Variants in KLHDC1 observed in about 807,000 individuals in gnomAD.
KLHDC1 encodes kelch domain-containing protein 1.
KLHDC1 carries 53 observed loss-of-function variants against 68.3 expected under a neutral mutation model. The observed-to-expected ratio is 0.78, with a 90% CI of 0.62 to 0.98. The LOEUF (loss-of-function observed/expected upper bound fraction) is 0.98, where lower values mean the gene tolerates loss of function less well. Ranked by LOEUF, KLHDC1 falls within the 50% of genes least tolerant of loss-of-function variation. The pLI, the probability that KLHDC1 is intolerant of heterozygous loss-of-function variation, is 0.00. For missense variants in KLHDC1, 470 were observed against 492.3 expected (o/e 0.95, Z 0.43); for synonymous variants, 148 against 159.0 (o/e 0.93, Z 0.52).
intron 1 of KLHDC1, among the ~76,000 whole-genome samples, chr14:49,699,161 CAAA>C (rs34856234): frequency 1.4e-4 from 15 of 107,756 alleles, no homozygotes; most frequent in Admixed American, 9.9e-5. Flanking sequence ...AAGACTGTCT[CAAA>C]AAAAAAAAAA....
chr14:49,703,700 A>G (rs1411540830), intron 1 of KLHDC1, among the ~76,000 whole-genome samples: 3 of 151,684 alleles, frequency 2.0e-5, no homozygotes, highest in Non-Finnish European at 4.4e-5. Context: ...GTGTGCTTGT[A>G]TGGCTGTACC....
intron 11 of KLHDC1, among the ~76,000 whole-genome samples, chr14:49,740,485 C>T (rs1889037200): frequency 6.6e-6 from 1 of 152,090 alleles, no homozygotes. Context: ...CTACAGGCAC[C>T]TGCCAACATA....
At chr14:49,711,266 A>G (rs998041102) in intron 4 of KLHDC1, among the ~76,000 whole-genome samples, 5 of 152,214 alleles carry the variant, frequency 3.3e-5, no homozygotes, top group East Asian at 1.9e-4. Flanking sequence ...CAGTGGCGCA[A>G]TCTCGGCTCA....
At chr14:49,723,622 C>G (rs1888592702) in intron 4 of KLHDC1, among the ~76,000 whole-genome samples, 1 of 152,146 alleles carries the variant, frequency 6.6e-6, no homozygotes, top group African/African-American at 2.4e-5. Context: ...CTTACAAGCC[C>G]TGTATGTGCT....
rs960213173 is a variant in KLHDC1 at position 49,705,852 on chromosome 14, T to C, written c.97-3307T>C. On this transcript the variant is annotated intron_variant, in intron 1 of 12. Transcript: ENST00000359332. ...TTCACTGATTGAAAAATTTTTTTAATTTTAATTTTTGTGGGTACATAGTAG... is the reference window on the plus strand; with the variant it reads ...TTCACTGATTGAAAAATTTTTTTAACTTTAATTTTTGTGGGTACATAGTAG... Among the ~76,000 whole-genome samples the C allele has an allele frequency of 3.3e-5, 5 of 152,170 alleles. No individual in the cohort carries two copies. The East Asian group carries it at 7.7e-4, about 23-fold the overall frequency.
At chr14:49,697,598 A>G (rs1443306633) in intron 1 of KLHDC1, among the ~76,000 whole-genome samples, 1 of 152,260 alleles carries the variant, frequency 6.6e-6, no homozygotes, top group African/African-American at 2.4e-5. Flanking sequence ...AAAATGCAAT[A>G]TCTGTCAAGC....
chr14:49,735,761 A>G (rs974869652), intron 10 of KLHDC1, among the ~76,000 whole-genome samples: 1 of 152,138 alleles, frequency 6.6e-6, no homozygotes, highest in Non-Finnish European at 1.5e-5. Context: ...TATTAATCCC[A>G]GCAATTTGGG....
intron 9 of KLHDC1, among the ~76,000 whole-genome samples, chr14:49,733,667 C>T (rs187667085): frequency 5.6e-4 from 85 of 152,134 alleles, no homozygotes; most frequent in Admixed American, 1.1e-3. Context: ...GTGATCCACC[C>T]GCCTCAGCCT....
intron 9 of KLHDC1, 145 bp downstream of exon 9, chr14:49,732,961 A>G: frequency 1.7e-6 from 1 of 585,454 alleles, no homozygotes; most frequent in Middle Eastern, 4.5e-4. Flanking sequence ...ATGAATTATG[A>G]TCTCCTTGCT....
intron 4 of KLHDC1, among the ~76,000 whole-genome samples, chr14:49,713,826 ATATATATATATATATATATATATATT>A (rs1418999442): frequency 4.4e-3 from 9 of 2,036 alleles, no homozygotes; most frequent in African/African-American, 7.1e-3. Flanking sequence ...ATATATATAT[ATATATATATATATATATATATATATT>A]TTTTTTTTTT....
intron 4 of KLHDC1, among the ~76,000 whole-genome samples, chr14:49,717,118 G>A (rs1888399398): frequency 2.0e-5 from 3 of 152,116 alleles, no homozygotes; most frequent in African/African-American, 7.2e-5. Context: ...TTATATGTTG[G>A]TAGATGCTTG....
intron 4 of KLHDC1, among the ~76,000 whole-genome samples, chr14:49,715,043 C>T (rs1318680456): frequency 6.8e-6 from 1 of 146,200 alleles, no homozygotes; most frequent in Non-Finnish European, 1.5e-5. Flanking sequence ...TACATATATA[C>T]TTAATATATA....
At chr14:49,721,996 G>T (rs1307047512) in intron 4 of KLHDC1, among the ~76,000 whole-genome samples, 1 of 152,186 alleles carries the variant, frequency 6.6e-6, no homozygotes, top group Non-Finnish European at 1.5e-5. Flanking sequence ...CCAAAGCTCA[G>T]ATTGCCTAAA....
chr14:49,726,079 C>T (rs552024265), intron 6 of KLHDC1, among the ~76,000 whole-genome samples: 2 of 152,266 alleles, frequency 1.3e-5, no homozygotes, highest in African/African-American at 4.8e-5. Context: ...AACTCCTGAC[C>T]TCAAGTTATC....
chr14:49,751,752 C>T lies in KLHDC1; in HGVS notation c.1201C>T (p.Gln401Ter). ...VQKEETENKY[Q>*]WISSN Reference sequence around the variant, plus strand: ...AAAAGAAGAAACAGAAAATAAATATCAGTGGATCAGTAGCAATTAAATTGT... The same window carrying T: ...AAAAGAAGAAACAGAAAATAAATATTAGTGGATCAGTAGCAATTAAATTGT... Residue 401 changes from glutamine to a stop codon, truncating the protein, a stop_gained, in exon 13 of 13, where the codon CAG (glutamine) becomes TAG (stop). Transcript: ENST00000359332. LOFTEE classifies it high-confidence loss of function. The T allele has an allele frequency of 1.3e-6, 2 of 1,565,314 alleles. No homozygotes were observed. The highest frequency in any genetic ancestry group is 1.2e-5 in the South Asian group (1 of 86,090).
intron 1 of KLHDC1, among the ~76,000 whole-genome samples, chr14:49,705,969 A>G (rs1057442545): frequency 6.6e-6 from 1 of 152,212 alleles, no homozygotes; most frequent in Non-Finnish European, 1.5e-5. Flanking sequence ...CTGTTCCCTC[A>G]AGTATTTATC....
chr14:49,749,336 TAA>T (rs1348883520), intron 12 of KLHDC1, among the ~76,000 whole-genome samples: 3 of 152,086 alleles, frequency 2.0e-5, no homozygotes, highest in Non-Finnish European at 2.9e-5. Context: ...AATCTATACT[TAA>T]GTTAGTAATG....
At chr14:49,748,874 C>G (rs1174298963) in intron 12 of KLHDC1, among the ~76,000 whole-genome samples, 2 of 151,462 alleles carry the variant, frequency 1.3e-5, no homozygotes, top group Non-Finnish European at 2.9e-5. Context: ...AATCTTGGCT[C>G]ACTGCAACCT....
chr14:49,693,663 A>G (rs1887639250), intron 1 of KLHDC1, among the ~76,000 whole-genome samples: 2 of 150,842 alleles, frequency 1.3e-5, no homozygotes. Flanking sequence ...ATCATTTTGT[A>G]TATATTTCCT....
Sources: allele counts gnomAD v4.1 joint callset (sites outside exome capture counted in the v4.1 genomes callset), GRCh38; gene constraint gnomAD v4.1.1; transcripts MANE v1.5; gene names NCBI Gene and HGNC (gene_info 2026-07-23, HGNC 2026-07-21).